Variants in SLC13A5 observed in about 807,000 individuals in gnomAD.
The protein encoded by SLC13A5 is Na(+)/citrate cotransporter.
In SLC13A5, 25 loss-of-function variants were observed where a neutral mutation model predicts 56.5. The ratio of observed to expected loss-of-function variants is 0.44; its 90% CI spans 0.32 to 0.62. SLC13A5 has a LOEUF of 0.62. Among genes scored for constraint, SLC13A5 ranks in the 20% least tolerant of loss-of-function variants. The probability of loss-of-function intolerance (pLI) is 0.04; values close to 1 mark genes in which losing one functional copy is unlikely to be tolerated. For missense variants in SLC13A5, 649 were observed against 737.8 expected (o/e 0.88, Z 1.39); for synonymous variants, 307 against 301.5 (o/e 1.02, Z -0.19).
At chr17:6,710,478 C>T (rs1345051967) in intron 1 of SLC13A5, among the ~76,000 whole-genome samples, 4 of 152,140 alleles carry the variant, frequency 2.6e-5, no homozygotes, top group South Asian at 2.1e-4. Context: ...CAGTAGGTGG[C>T]GTGCGTCACC....
At chr17:6,705,441 C>T (rs1973841818) in intron 3 of SLC13A5, 1 of 152,140 alleles carries the variant, frequency 6.6e-6, no homozygotes, top group African/African-American at 2.4e-5. Flanking sequence ...GGAGTGGCCT[C>T]CCACCCAAGC....
At position 6,687,610 on chromosome 17, in the gene SLC13A5, G is replaced by A. The variant is rs1046475172; in HGVS notation, c.1494C>T (p.Ala498=). The A allele has an allele frequency of 1.9e-6, 3 of 1,613,946 alleles. No individual in the cohort carries two copies. Among genetic ancestry groups the A allele is most frequent in the African/African-American group, 2.7e-5 (2 of 75,048 alleles). ...LYIMLPCTLS[A]SFAFMLPVAT... is the part of the protein sequence containing the mutation. ...CCACAGGCAACATGAAGGCAAAGGA[G>A]GCACTCAGGGTACAGGGCAGCATGA... The change falls in exon 11 of 12, where the codon GCC becomes GCT. Residue 498 remains alanine (A), a synonymous_variant. Coordinates refer to ENST00000433363, the MANE Select transcript of SLC13A5 (RefSeq NM_177550.5). The surrounding 1 kb of genome is among the most constrained non-coding windows in gnomAD (Gnocchi z 5.0).
In SLC13A5 at chr17:6,702,861, C is replaced by T. The variant is rs531149524; in HGVS notation, c.716+109G>A. On this transcript the variant is annotated intron_variant, in intron 5 of 11. Transcript: ENST00000433363. ...TGCCAGGCTCCCAGGCCAGGTCTGG[C>T]TGCCCCGAGGCTTTCCAGGACTCTG... The T allele has an allele frequency of 8.5e-6, 12 of 1,406,068 alleles. No individual in the cohort carries two copies. In the East Asian group the frequency reaches 2.6e-4, roughly 30 times the overall value. The allele number at this position is 1,406,068 out of a possible 1,614,324, so 87.1% of individuals were successfully genotyped here. A position where few individuals can be genotyped will look rare whatever the true frequency, so the allele number is the denominator to read the frequency against.
chr17:6,695,008 G>A (rs1485273807), intron 7 of SLC13A5, among the ~76,000 whole-genome samples: 1 of 152,142 alleles, frequency 6.6e-6, no homozygotes, highest in African/African-American at 2.4e-5. Flanking sequence ...CCCTAGATGT[G>A]TGCCTTTGGA....
chr17:6,694,228 A>G lies in SLC13A5; in HGVS notation c.1056-31T>C, dbSNP rs770910063. The G allele has an allele frequency of 7.4e-5, 99 of 1,346,224 alleles. 1 individual carries two copies. In the East Asian group the frequency reaches 2.3e-3, roughly 31 times the overall value. 83.4% of individuals were successfully genotyped at this position (1,346,224 alleles called of 1,614,324 possible). ...TGGGGAAAAGCACAGCTCATCTGCGACAGAGACAGTCACTCAACAAACCCA... is the reference window on the plus strand; with the variant it reads ...TGGGGAAAAGCACAGCTCATCTGCGGCAGAGACAGTCACTCAACAAACCCA... On this transcript the variant is annotated intron_variant, in intron 7 of 11. Coordinates refer to ENST00000433363, the MANE Select transcript of SLC13A5 (RefSeq NM_177550.5).
rs905217735 is a variant in SLC13A5 at position 6,687,392 on chromosome 17, T to C, written c.1575+137A>G. Reference sequence around the variant, plus strand: ...AAAGCTGCATTATAAATGTCAACAATGGCTACAGGTCTGGATGTTCCGTGG... The same window carrying C: ...AAAGCTGCATTATAAATGTCAACAACGGCTACAGGTCTGGATGTTCCGTGG... On this transcript the variant is annotated intron_variant, in intron 11 of 11. Coordinates refer to ENST00000433363, the MANE Select transcript of SLC13A5 (RefSeq NM_177550.5). This position sits in a 1 kb window ranked among gnomAD's most constrained non-coding sequence, Gnocchi z 5.0. 39 of 1,144,692 alleles carry C rather than the reference T, an allele frequency of 3.4e-5. No individual in the cohort carries two copies. Among genetic ancestry groups the C allele is most frequent in the Non-Finnish European group, 4.6e-5 (36 of 790,658 alleles). The allele number at this position is 1,144,692 out of a possible 1,614,324, so 70.9% of individuals were successfully genotyped here.
rs1974015695 is a variant in SLC13A5, at chr17:6,711,339, C to T, written c.102+1893G>A. On this transcript the variant is annotated intron_variant, in intron 1 of 11. Coordinates refer to ENST00000433363, the MANE Select transcript of SLC13A5 (RefSeq NM_177550.5). The surrounding 1 kb of genome is among the most constrained non-coding windows in gnomAD (Gnocchi z 4.0). The stretch of plus-strand genomic sequence containing the variant: ...CCGCCAGAAGGAAAGCTCGTGAAGG[C>T]AGCCTTTGGAAGGACTCTCCCTGGG... Among the ~76,000 whole-genome samples, 1 of 152,144 alleles carries T rather than the reference C, an allele frequency of 6.6e-6. No homozygotes were observed. The highest frequency in any genetic ancestry group is 1.5e-5 in the Non-Finnish European group (1 of 68,020).
intron 1 of SLC13A5, among the ~76,000 whole-genome samples, chr17:6,708,495 T>G (rs1370801897): frequency 6.6e-6 from 1 of 152,222 alleles, no homozygotes; most frequent in Non-Finnish European, 1.5e-5. Context: ...CGAAACAACA[T>G]AAGCCAATAT....
chr17:6,709,498 G>A (rs1012902727), intron 1 of SLC13A5, among the ~76,000 whole-genome samples: 1 of 152,034 alleles, frequency 6.6e-6, no homozygotes, highest in South Asian at 2.1e-4. Context: ...TTGATCTCCT[G>A]GCCTCGTGAT....
In SLC13A5 at chr17:6,685,690, A is replaced by G; in HGVS notation, c.*517T>C. ...CTCCAGCAGTGGGAGGTTGCTCAAG[A>G]CCAGGCATTCCGTCCCTGGCTGGGG... On this transcript the variant is annotated 3_prime_UTR_variant, in exon 12 of 12. Coordinates refer to ENST00000433363, the MANE Select transcript of SLC13A5 (RefSeq NM_177550.5). The surrounding 1 kb of genome is among the most constrained non-coding windows in gnomAD (Gnocchi z 4.2). 6.3e-6 allele frequency: 1 copy of G among 158,598 alleles called. No homozygotes were observed. The highest frequency in any genetic ancestry group is 2.4e-5 in the African/African-American group (1 of 41,700). 9.8% of individuals were successfully genotyped at this position (158,598 alleles called of 1,614,324 possible).
chr17:6,697,638 C>G (rs140882689), intron 6 of SLC13A5, among the ~76,000 whole-genome samples: 81 of 152,330 alleles, frequency 5.3e-4, no homozygotes, highest in African/African-American at 1.7e-3. Flanking sequence ...GAATATGTTG[C>G]AGAGCCAACA....
chr17:6,707,574 A>C (rs1246606225), intron 1 of SLC13A5, among the ~76,000 whole-genome samples: 1 of 152,146 alleles, frequency 6.6e-6, no homozygotes, highest in Non-Finnish European at 1.5e-5. Context: ...AAAAGAAAGG[A>C]GGAAGAGGAG....
intron 7 of SLC13A5, among the ~76,000 whole-genome samples, chr17:6,694,532 T>G (rs1185681616): frequency 2.0e-5 from 3 of 151,988 alleles, no homozygotes; most frequent in East Asian, 3.9e-4. Flanking sequence ...GCAGGAGAAT[T>G]GCTGGGAGGT....
At position 6,707,085 on chromosome 17, in the gene SLC13A5, G is replaced by A. The variant is rs1567625159; in HGVS notation, c.174C>T (p.Val58=). Residue 58 remains valine, a synonymous_variant, in exon 2 of 12, where the codon GTC becomes GTT. Transcript: ENST00000433363. ...YWCTEVIPLA[V]TSLMPVLLFP... is the part of the protein sequence containing the mutation. ...AAAGCAAGACAGGCATGAGAGAGGT[G>A]ACAGCCAGAGGGATGACTTCTGTGC... 6.2e-7 allele frequency: 1 copy of A among 1,614,082 alleles called. No individual in the cohort carries two copies. Among genetic ancestry groups the A allele is most frequent in the Non-Finnish European group, 8.5e-7 (1 of 1,180,024 alleles).
intron 1 of SLC13A5, among the ~76,000 whole-genome samples, chr17:6,712,061 A>T (rs1195528457): frequency 1.3e-5 from 2 of 152,214 alleles, no homozygotes; most frequent in South Asian, 4.1e-4. Flanking sequence ...TGTCAGAACC[A>T]AACCACCTAG....
At chr17:6,710,067 G>C (rs1454794072) in intron 1 of SLC13A5, among the ~76,000 whole-genome samples, 1 of 152,220 alleles carries the variant, frequency 6.6e-6, no homozygotes. Context: ...GAACAGCAGC[G>C]TGACTGGAAG....
chr17:6,713,301 G>T lies in SLC13A5; in HGVS notation c.33C>A (p.Phe11Leu). Residue 11 changes from phenylalanine (F) to leucine (L), a missense_variant, in exon 1 of 12, where the codon TTC becomes TTA. Coordinates refer to ENST00000433363, the MANE Select transcript of SLC13A5 (RefSeq NM_177550.5). This position sits in a 1 kb window ranked among gnomAD's most constrained non-coding sequence, Gnocchi z 7.3. ...TGACGAACAAGATCACGAAGGACTTGAACTTGGAGACATAGCTCAGCGCCG... is the reference window on the plus strand; with the variant it reads ...TGACGAACAAGATCACGAAGGACTTTAACTTGGAGACATAGCTCAGCGCCG... MASALSYVSK[F>L]KSFVILFVTP... 2 of 1,614,016 alleles carry T rather than the reference G, an allele frequency of 1.2e-6. No individual in the cohort carries two copies. The highest frequency in any genetic ancestry group is 1.1e-5 in the South Asian group (1 of 91,076).
Position 6,704,066 on chromosome 17 carries a change from AGGG to A in SLC13A5, c.369-13_369-11del. ...GAAGCCCAGCATCAGCCTGCAGAGG[AGGG>A]GCAGGGAGGAAAGCCAGAGAATCCC... On this transcript the variant is annotated splice_polypyrimidine_tract_variant and intron_variant, in intron 3 of 11. Transcript: ENST00000433363. 6.2e-7 allele frequency: 1 copy of A among 1,606,068 alleles called. No homozygotes were observed. The highest frequency in any genetic ancestry group is 1.1e-5 in the South Asian group (1 of 90,080).
At chr17:6,699,760 C>T (rs1326962809) in intron 6 of SLC13A5, among the ~76,000 whole-genome samples, 2 of 152,186 alleles carry the variant, frequency 1.3e-5, no homozygotes, top group African/African-American at 4.8e-5. Flanking sequence ...CGTGGGCTAC[C>T]ACGCCCGGCT....
Sources: allele counts gnomAD v4.1 joint callset (sites outside exome capture counted in the v4.1 genomes callset), GRCh38; gene constraint gnomAD v4.1.1; non-coding constraint Gnocchi (gnomAD v3.1); transcripts MANE v1.5; gene names NCBI Gene and HGNC (gene_info 2026-07-23, HGNC 2026-07-21).